Variants in DLGAP2 observed in about 807,000 individuals in gnomAD.
The protein encoded by DLGAP2 is DLG associated protein 2.
DLGAP2 carries 26 observed loss-of-function variants against 100.3 expected under a neutral mutation model. That is an observed-to-expected ratio of 0.26 (90% CI 0.19 to 0.36). DLGAP2 has a LOEUF of 0.36. Ranked by LOEUF, DLGAP2 falls within the 10% of genes least tolerant of loss-of-function variation. DLGAP2 has a pLI of 1.00. For missense variants in DLGAP2, 1,858 were observed against 1,453.2 expected, an observed-to-expected ratio of 1.28 and a Z score of -4.53; for synonymous variants, 886 against 630.1, an observed-to-expected ratio of 1.41 and a Z score of -6.08.
intron 3 of DLGAP2, among the ~76,000 whole-genome samples, chr8:1,340,729 A>G (rs1218202272): frequency 6.6e-6 from 1 of 152,238 alleles, no homozygotes; most frequent in Non-Finnish European, 1.5e-5. Flanking sequence ...ATTAGTGGGT[A>G]TAGACCCAAA....
intron 3 of DLGAP2, among the ~76,000 whole-genome samples, chr8:1,353,369 G>A (rs1362368841): frequency 6.6e-6 from 1 of 152,168 alleles, no homozygotes; most frequent in Non-Finnish European, 1.5e-5. Flanking sequence ...ACTGTACTTC[G>A]AGTTCCGCAC....
chr8:1,524,934 G>C (rs547298156), intron 4 of DLGAP2, among the ~76,000 whole-genome samples: 56 of 152,198 alleles, frequency 3.7e-4, no homozygotes, highest in African/African-American at 1.3e-3. Context: ...CCGGTTATTT[G>C]TTGGTATTTT....
At chr8:1,287,118 A>C (rs536155438) in intron 3 of DLGAP2, among the ~76,000 whole-genome samples, 2 of 147,628 alleles carry the variant, frequency 1.4e-5, no homozygotes, top group East Asian at 4.0e-4. Context: ...GAGGGGAACT[A>C]GTTTCGGTTC....
intron 1 of DLGAP2, among the ~76,000 whole-genome samples, chr8:775,613 G>T: frequency 1.4e-5 from 1 of 72,744 alleles, no homozygotes; most frequent in Non-Finnish European, 2.8e-5. Context: ...ATAATCATGT[G>T]GTTTTTGTCT....
chr8:1,138,864 G>A (rs577906932), intron 2 of DLGAP2, among the ~76,000 whole-genome samples: 1 of 151,738 alleles, frequency 6.6e-6, no homozygotes, highest in African/African-American at 2.4e-5. Context: ...AACTCTTCCT[G>A]TTTATTTACT....
intron 6 of DLGAP2, among the ~76,000 whole-genome samples, chr8:1,584,375 G>A (rs552792342): frequency 2.0e-5 from 3 of 152,272 alleles, no homozygotes; most frequent in South Asian, 2.1e-4. Context: ...GGGAGCAGAC[G>A]CCAGACTCCT....
intron 1 of DLGAP2, chr8:822,169 C>G: frequency 7.5e-6 from 3 of 399,598 alleles, no homozygotes; most frequent in Non-Finnish European, 4.4e-6. Flanking sequence ...CTGCGCCCAG[C>G]CCAGCCACAA....
chr8:935,202 G>C (rs377152768), intron 2 of DLGAP2, among the ~76,000 whole-genome samples: 6 of 152,180 alleles, frequency 3.9e-5, no homozygotes, highest in Non-Finnish European at 8.8e-5. Context: ...CCATGGGGGC[G>C]TCTCTCTTCC....
intron 8 of DLGAP2, 40 bp downstream of exon 8, chr8:1,633,086 A>G (rs1797689714): frequency 1.2e-6 from 2 of 1,603,294 alleles, no homozygotes; most frequent in Non-Finnish European, 1.7e-6. Context: ...CGGGGACTCT[A>G]GAGGCATACC....
chr8:1,056,926 C>G (rs1802898882), intron 2 of DLGAP2, among the ~76,000 whole-genome samples: 1 of 152,140 alleles, frequency 6.6e-6, no homozygotes, highest in African/African-American at 2.4e-5. Flanking sequence ...GTGAATACAA[C>G]CCAAATAGGG....
At chr8:1,670,188 A>T (rs866150064) in intron 10 of DLGAP2, among the ~76,000 whole-genome samples, 3 of 152,122 alleles carry the variant, frequency 2.0e-5, no homozygotes, top group Non-Finnish European at 2.9e-5. Context: ...CCCAGCCACG[A>T]CTGAGGCAGT....
chr8:904,965 G>A lies in DLGAP2; in HGVS notation c.19-2947G>A, dbSNP rs772451843. ...TTCCTGCTCCAGCCAGAGCCGGTGC[G>A]GCAAGCGACGTGTGCTCAGCCTTCC... On this transcript the variant is annotated intron_variant, in intron 1 of 14. Coordinates refer to ENST00000637795, the MANE Select transcript of DLGAP2 (RefSeq NM_001346810.2). 1.2e-4 allele frequency among the ~76,000 whole-genome samples: 19 copies of A among 152,350 alleles called. 1 individual carries two copies. Among genetic ancestry groups the A allele is most frequent in the Middle Eastern group, 3.4e-3 (1 of 294 alleles).
chr8:1,169,647 G>A (rs532522415), intron 2 of DLGAP2, among the ~76,000 whole-genome samples: 16 of 152,054 alleles, frequency 1.1e-4, no homozygotes, highest in Non-Finnish European at 1.9e-4. Flanking sequence ...TGAAGCAATT[G>A]TGAATGGGAG....
At chr8:1,134,712 G>A (rs1001492784) in intron 2 of DLGAP2, among the ~76,000 whole-genome samples, 1 of 152,160 alleles carries the variant, frequency 6.6e-6, no homozygotes, top group South Asian at 2.1e-4. Flanking sequence ...AGCAGGGCTG[G>A]GGAGGCCTCA....
At chr8:778,134 G>C (rs557964961) in intron 1 of DLGAP2, among the ~76,000 whole-genome samples, 1 of 151,952 alleles carries the variant, frequency 6.6e-6, no homozygotes, top group African/African-American at 2.4e-5. Context: ...CCAGTTGATC[G>C]CATCGGCTCC....
chr8:1,039,578 AGCTCG>A, intron 2 of DLGAP2, among the ~76,000 whole-genome samples: 1 of 98,942 alleles, frequency 1.0e-5, no homozygotes, highest in African/African-American at 4.3e-5. Context: ...GTGCGTGGTC[AGCTCG>A]GTGTGCGTGG....
At chr8:1,619,955 A>G (rs968120825) in intron 6 of DLGAP2, 1 of 152,210 alleles carries the variant, frequency 6.6e-6, no homozygotes. Flanking sequence ...TCCTGTAGAC[A>G]GGAAAAATGA....
chr8:1,631,005 C>T (rs1395402679), intron 7 of DLGAP2, among the ~76,000 whole-genome samples: 31 of 147,700 alleles, frequency 2.1e-4, no homozygotes, highest in African/African-American at 6.7e-4. Flanking sequence ...AGGGTCTCGG[C>T]GGGAGGTCCG....
intron 1 of DLGAP2, among the ~76,000 whole-genome samples, chr8:764,193 G>C (rs939305813): frequency 6.6e-6 from 1 of 152,166 alleles, no homozygotes; most frequent in Non-Finnish European, 1.5e-5. Context: ...CACTCATCCT[G>C]CCTCATTTTG....
Sources: gnomAD v4.1 joint callset for allele counts (sites outside exome capture counted in the v4.1 genomes callset) on GRCh38, gnomAD v4.1.1 for gene constraint, MANE v1.5 for transcripts, NCBI Gene and HGNC (gene_info 2026-07-23, HGNC 2026-07-21) for gene names.